The following PAX2 variants were observed in gnomAD, a reference collection of about 807,000 sequenced individuals.
PAX2 encodes paired box protein Pax-2.
A neutral mutation model predicts 41.7 loss-of-function variants in PAX2; 9 were observed. That is an observed-to-expected ratio of 0.22 (90% confidence interval 0.13 to 0.38). The LOEUF is 0.38. Ranked by LOEUF, PAX2 falls within the 10% of genes least tolerant of loss-of-function variation. PAX2 has a pLI of 1.00. For missense variants in PAX2, 418 were observed against 531.6 expected (o/e 0.79, Z 2.10); for synonymous variants, 221 against 212.7 (o/e 1.04, Z -0.34).
chr10:100,809,595 A>G (rs1165001196), intron 7 of PAX2, among the ~76,000 whole-genome samples: 1 of 152,204 alleles, frequency 6.6e-6, no homozygotes, highest in African/African-American at 2.4e-5. Flanking sequence ...CAGGCTGGTG[A>G]GAGTGGAGCA....
intron 6 of PAX2, among the ~76,000 whole-genome samples, chr10:100,808,001 G>C (rs1395339918): frequency 1.3e-5 from 2 of 152,280 alleles, no homozygotes; most frequent in South Asian, 4.1e-4. Context: ...TGGCCGAGGC[G>C]GGCGGCTCAG....
At chr10:100,768,875 C>T (rs1846112743) in intron 3 of PAX2, among the ~76,000 whole-genome samples, 1 of 152,184 alleles carries the variant, frequency 6.6e-6, no homozygotes, top group Non-Finnish European at 1.5e-5. Flanking sequence ...TCTGTTGTTT[C>T]TTAGGCAAAA....
intron 5 of PAX2, 85 bp from the exon 6 acceptor site, chr10:100,806,345 C>G: frequency 7.0e-7 from 1 of 1,421,658 alleles, no homozygotes; most frequent in Non-Finnish European, 9.9e-7. Flanking sequence ...GGGCCCGGAA[C>G]CAGATGCCCA....
At position 100,789,149 on chromosome 10, in the gene PAX2, C is replaced by A. The variant is rs976967798; in HGVS notation, c.616+7784C>A. On this transcript the variant is annotated intron_variant, in intron 5 of 9. Coordinates refer to ENST00000355243, the MANE Select transcript of PAX2 (RefSeq NM_000278.5). ...TGGATGAAGTTTCACTCTTGTTGCC[C>A]AAGCTGGAGAGCAATGGCAAGATCT... 3.4e-4 allele frequency among the ~76,000 whole-genome samples: 52 copies of A among 152,152 alleles called. 1 individual carries two copies.
Position 100,806,621 on chromosome 10 carries a change from T to C in PAX2, c.792+16T>C, listed in dbSNP as rs1210092916. ...ATCAGAACAGGTGAGGAGGGAGCTTTCTGCTTGCAGAAGTAGAAAGGAGCC... is the reference window on the plus strand; with the variant it reads ...ATCAGAACAGGTGAGGAGGGAGCTTCCTGCTTGCAGAAGTAGAAAGGAGCC... On this transcript the variant is annotated intron_variant, in intron 6 of 9. Coordinates refer to ENST00000355243, the MANE Select transcript of PAX2 (RefSeq NM_000278.5). 1 of 1,612,250 alleles carries C rather than the reference T, an allele frequency of 6.2e-7. No homozygotes were observed. Among genetic ancestry groups the C allele is most frequent in the Admixed American group, 1.7e-5 (1 of 60,028 alleles).
rs368661916 is a variant in PAX2, at chr10:100,760,806, A to T, written c.410+9915A>T. On this transcript the variant is annotated intron_variant, in intron 3 of 9. Transcript: ENST00000355243. ...AGGGGGCCAATCTCAGAAGACTCTA[A>T]TTAAAGAGTGAGGAGAATCTGATAA... Among the ~76,000 whole-genome samples, 44 of 152,258 alleles carry T rather than the reference A, an allele frequency of 2.9e-4. 1 individual carries two copies. The South Asian group carries it at 7.7e-3, about 27-fold the overall frequency.
Position 100,824,371 on chromosome 10 carries a change from C to CAT in PAX2, c.920-276_920-275insTA, listed in dbSNP as rs1250726649. Among the ~76,000 whole-genome samples the CAT allele has an allele frequency of 1.3e-5, 2 of 148,346 alleles. No homozygotes were observed. The highest frequency in any genetic ancestry group is 2.9e-5 in the Non-Finnish European group (2 of 67,812). ...AGGCAGATACACACACACACACACA[C>CAT]ACACACACACACACACACACACACA... is the stretch of plus-strand genomic sequence containing the variant. On this transcript the variant is annotated intron_variant, in intron 7 of 9. Transcript: ENST00000355243. The surrounding 1 kb of genome is among the most constrained non-coding windows in gnomAD (Gnocchi z 6.6).
upstream of PAX2, among the ~76,000 whole-genome samples, chr10:100,743,471 C>A (rs145540121): frequency 2.0e-5 from 3 of 152,276 alleles, no homozygotes; most frequent in South Asian, 6.2e-4. Context: ...AGTTCACACA[C>A]CCCGAGACAA....
chr10:100,805,575 G>A (rs1009516512), intron 5 of PAX2, among the ~76,000 whole-genome samples: 9 of 152,220 alleles, frequency 5.9e-5, no homozygotes, highest in African/African-American at 1.9e-4. Context: ...CCTGAGGAAA[G>A]GGGACATGGA....
chr10:100,804,977 T>TTC lies in PAX2; in HGVS notation c.617-1434_617-1433dup, dbSNP rs1218429788. Among the ~76,000 whole-genome samples, 310 of 71,992 alleles carry TTC rather than the reference T, an allele frequency of 4.3e-3. 2 individuals are homozygous for TTC. The highest frequency in any genetic ancestry group is 0.011 in the Middle Eastern group (1 of 88). The allele number at this position is 71,992 out of a possible 152,430, so 47.2% of individuals were successfully genotyped here. ...TCTCTCCCTCTCTTTCTCTCTCTCC[T>TTC]TCTCTCTCTCTCTCTCTCTCCTTCT... On this transcript the variant is annotated intron_variant, in intron 5 of 9. Coordinates refer to ENST00000355243, the MANE Select transcript of PAX2 (RefSeq NM_000278.5).
rs1215529286 is a variant in PAX2 at position 100,827,023 on chromosome 10, G to T, written c.1036G>T (p.Gly346Cys). The T allele has an allele frequency of 6.2e-7, 1 of 1,613,454 alleles. No homozygotes were observed. Among genetic ancestry groups the T allele is most frequent in the South Asian group, 1.1e-5 (1 of 91,078 alleles). Residue 346 changes from glycine to cysteine, a missense_variant, in exon 9 of 10, where the codon GGC (glycine) becomes TGC (cysteine). Transcript: ENST00000355243. The surrounding 1 kb of genome is among the most constrained non-coding windows in gnomAD (Gnocchi z 8.5). ...AGMVPGSEFS[G>C]NPYSHPQYTA... is the part of the protein sequence containing the mutation. The stretch of plus-strand genomic sequence containing the variant: ...CCCTCCCGCAGGGAGCGAGTTCTCC[G>T]GCAACCCGTACAGCCACCCCCAGTA...
chr10:100,743,521 T>C (rs193115381), upstream of PAX2, among the ~76,000 whole-genome samples: 13 of 152,150 alleles, frequency 8.5e-5, no homozygotes, highest in African/African-American at 3.1e-4. Context: ...GGGGCAAAGG[T>C]TACTTTAGTT....
chr10:100,798,621 G>T (rs1246891168), intron 5 of PAX2, among the ~76,000 whole-genome samples: 3 of 151,564 alleles, frequency 2.0e-5, no homozygotes, highest in Non-Finnish European at 4.4e-5. Flanking sequence ...CTCACTCCCG[G>T]AATCCCACTT....
intron 5 of PAX2, among the ~76,000 whole-genome samples, chr10:100,786,326 G>A (rs1334458669): frequency 1.3e-5 from 2 of 152,220 alleles, no homozygotes; most frequent in Non-Finnish European, 2.9e-5. Context: ...GCCTCCACAG[G>A]CATTTTAGGT....
intron 5 of PAX2, among the ~76,000 whole-genome samples, chr10:100,794,545 G>T (rs916281231): frequency 1.3e-5 from 2 of 152,042 alleles, no homozygotes; most frequent in African/African-American, 4.8e-5. Context: ...ATTCTCACAT[G>T]ATATGGTTCC....
At chr10:100,744,187 G>C (rs1845061779), upstream of PAX2, among the ~76,000 whole-genome samples, 1 of 152,190 alleles carries the variant, frequency 6.6e-6, no homozygotes, top group African/African-American at 2.4e-5. Flanking sequence ...GGAGGGGAGC[G>C]CGAGTCCGCC....
At chr10:100,751,064 A>T (rs1332499091) in intron 3 of PAX2, among the ~76,000 whole-genome samples, 173 bp downstream of exon 3, 1 of 152,108 alleles carries the variant, frequency 6.6e-6, no homozygotes, top group Non-Finnish European at 1.5e-5. Flanking sequence ...AGTTAGACAG[A>T]CAGACAGGGC....
intron 5 of PAX2, among the ~76,000 whole-genome samples, chr10:100,799,789 C>CTT (rs56012188): frequency 0.079 from 7,139 of 89,868 alleles, 546 homozygotes; most frequent in African/African-American, 0.15. Flanking sequence ...TAGTGTAATT[C>CTT]TTTTTTTTTT....
intron 5 of PAX2, among the ~76,000 whole-genome samples, chr10:100,782,782 A>C (rs1388708627): frequency 1.3e-5 from 2 of 152,228 alleles, no homozygotes; most frequent in Non-Finnish European, 2.9e-5. Flanking sequence ...CCTGATGGGC[A>C]GGGGGAGGTT....
Sources: allele counts gnomAD v4.1 joint callset (sites outside exome capture counted in the v4.1 genomes callset), GRCh38; gene constraint gnomAD v4.1.1; non-coding constraint Gnocchi (gnomAD v3.1); transcripts MANE v1.5; gene names NCBI Gene and HGNC (gene_info 2026-07-23, HGNC 2026-07-21).